PID1: variants seen among roughly 807,000 people sequenced by gnomAD.
The protein encoded by PID1 is phosphotyrosine interaction domain containing 1.
Under a neutral mutation model 19.1 loss-of-function variants are expected in PID1, and 10 were observed. The observed-to-expected ratio is 0.52, with a 90% CI of 0.32 to 0.89. PID1 has a LOEUF of 0.89. Ranked by LOEUF, PID1 falls within the 40% of genes least tolerant of loss-of-function variation. The pLI, the probability that PID1 is intolerant of heterozygous loss-of-function variation, is 0.03. For synonymous variants in PID1, 130 were observed against 116.0 expected (o/e 1.12, Z -0.78); for missense variants, 248 against 285.3 (o/e 0.87, Z 0.94).
At position 229,236,924 on chromosome 2, in the gene PID1, C is replaced by T. The variant is rs537585506; in HGVS notation, c.30+34090G>A. On this transcript the variant is annotated intron_variant, in intron 1 of 2. Transcript: ENST00000392055. ...GTTGTTTATAGATAGCTATTTCATA[C>T]TACAACATCAGGGTAGTGTGTCCCG... 5.3e-5 allele frequency among the ~76,000 whole-genome samples: 8 copies of T among 151,482 alleles called. No homozygotes were observed. In the South Asian group the frequency reaches 1.3e-3, roughly 24 times the overall value.
At chr2:229,159,895 C>T (rs886507817) in intron 1 of PID1, among the ~76,000 whole-genome samples, 3 of 152,052 alleles carry the variant, frequency 2.0e-5, no homozygotes, top group African/African-American at 4.8e-5. Context: ...TTTGGAGTTG[C>T]CAACAGGGGA....
At chr2:229,105,929 A>G (rs1314100442) in intron 2 of PID1, among the ~76,000 whole-genome samples, 1 of 152,032 alleles carries the variant, frequency 6.6e-6, no homozygotes, top group Non-Finnish European at 1.5e-5. Flanking sequence ...AATACAAAAA[A>G]TTAGCCAGAT....
intron 1 of PID1, among the ~76,000 whole-genome samples, chr2:229,160,678 G>T (rs950375319): frequency 1.3e-5 from 2 of 152,078 alleles, no homozygotes; most frequent in Admixed American, 6.5e-5. Flanking sequence ...CTATAGCAAA[G>T]CTAGAGAGAG....
At chr2:229,146,785 A>T (rs1051750506) in intron 2 of PID1, among the ~76,000 whole-genome samples, 1 of 152,200 alleles carries the variant, frequency 6.6e-6, no homozygotes, top group Non-Finnish European at 1.5e-5. Flanking sequence ...AAGAAAGGAA[A>T]GCAGAGGGAG....
At chr2:229,177,217 T>TC (rs1690842132) in intron 1 of PID1, among the ~76,000 whole-genome samples, 1 of 152,162 alleles carries the variant, frequency 6.6e-6, no homozygotes, top group African/African-American at 2.4e-5. Flanking sequence ...TGGTAGGAGT[T>TC]ACAATTCAAG....
intron 2 of PID1, among the ~76,000 whole-genome samples, chr2:229,093,852 A>C (rs1417697322): frequency 6.6e-6 from 1 of 152,232 alleles, no homozygotes; most frequent in Non-Finnish European, 1.5e-5. Context: ...CCAGCATCAC[A>C]TTGAATAGGA....
intron 2 of PID1, among the ~76,000 whole-genome samples, chr2:229,040,836 C>A (rs1431741723): frequency 1.3e-5 from 2 of 152,096 alleles, no homozygotes; most frequent in African/African-American, 4.8e-5. Context: ...GCTGAACTTA[C>A]TTCATGTGTA....
intron 2 of PID1, among the ~76,000 whole-genome samples, chr2:229,153,176 A>G (rs1690292760): frequency 6.6e-6 from 1 of 152,246 alleles, no homozygotes; most frequent in African/African-American, 2.4e-5. Flanking sequence ...CAAAACTCAG[A>G]ACACAAAAGT....
intron 1 of PID1, among the ~76,000 whole-genome samples, chr2:229,204,074 T>G (rs114202471): frequency 0.013 from 2,007 of 152,188 alleles, 49 homozygotes; most frequent in African/African-American, 0.046. Context: ...TAAACTTGTT[T>G]CTCTCTTAAT....
At chr2:229,030,437 A>C (rs1048258175) in intron 2 of PID1, among the ~76,000 whole-genome samples, 2 of 152,212 alleles carry the variant, frequency 1.3e-5, no homozygotes, top group Non-Finnish European at 2.9e-5. Flanking sequence ...TATTTTACCA[A>C]AATAAAAATA....
chr2:229,261,707 T>C (rs1690464591), intron 1 of PID1, among the ~76,000 whole-genome samples: 1 of 152,196 alleles, frequency 6.6e-6, no homozygotes, highest in Admixed American at 6.5e-5. Flanking sequence ...GAGAAGAGAA[T>C]GAAAAGCAAA....
At chr2:229,051,031 A>G (rs1693985833) in intron 2 of PID1, among the ~76,000 whole-genome samples, 1 of 152,180 alleles carries the variant, frequency 6.6e-6, no homozygotes, top group East Asian at 1.9e-4. Context: ...GGTGATATGA[A>G]TCTAGTCTGA....
At chr2:229,122,539 C>A (rs561722534) in intron 2 of PID1, among the ~76,000 whole-genome samples, 95 of 152,138 alleles carry the variant, frequency 6.2e-4, no homozygotes, top group African/African-American at 2.1e-3. Context: ...TACAGTGAGA[C>A]CAAGACCACA....
At chr2:229,160,765 G>T (rs1690477393) in intron 1 of PID1, among the ~76,000 whole-genome samples, 1 of 152,092 alleles carries the variant, frequency 6.6e-6, no homozygotes, top group Non-Finnish European at 1.5e-5. Flanking sequence ...TGTCCTCTTT[G>T]CCCACTGTCA....
chr2:229,053,134 T>C (rs1210117738), intron 2 of PID1, among the ~76,000 whole-genome samples: 1 of 152,186 alleles, frequency 6.6e-6, no homozygotes, highest in Non-Finnish European at 1.5e-5. Flanking sequence ...TTAAAATATA[T>C]GTGAGGCATA....
At chr2:229,135,732 T>C (rs985528609) in intron 2 of PID1, among the ~76,000 whole-genome samples, 4 of 152,148 alleles carry the variant, frequency 2.6e-5, no homozygotes, top group Non-Finnish European at 5.9e-5. Flanking sequence ...AAACATGTCA[T>C]GTCCAGAAGG....
chr2:229,196,343 T>C (rs1373419136), intron 1 of PID1, among the ~76,000 whole-genome samples: 1 of 152,114 alleles, frequency 6.6e-6, no homozygotes, highest in Admixed American at 6.6e-5. Flanking sequence ...TCAAAGAATC[T>C]ATGCCTTCAA....
intron 1 of PID1, among the ~76,000 whole-genome samples, chr2:229,182,930 TCTC>T (rs1401237757): frequency 3.9e-5 from 6 of 152,178 alleles, no homozygotes; most frequent in African/African-American, 1.4e-4. Flanking sequence ...TTTAATACCT[TCTC>T]CTCTTCCCCA....
intron 2 of PID1, among the ~76,000 whole-genome samples, chr2:229,033,836 A>G (rs1693605612): frequency 6.6e-6 from 1 of 152,218 alleles, no homozygotes; most frequent in South Asian, 2.1e-4. Context: ...GATGAGAAAA[A>G]GAAAAGCTGC....
Sources: allele counts gnomAD v4.1 joint callset (sites outside exome capture counted in the v4.1 genomes callset), GRCh38; gene constraint gnomAD v4.1.1; transcripts MANE v1.5; gene names NCBI Gene and HGNC (gene_info 2026-07-23, HGNC 2026-07-21).